GRB2: variants seen among roughly 807,000 people sequenced by gnomAD.
The protein encoded by GRB2 is growth factor receptor bound protein 2, also known as growth factor receptor-bound protein 2.
A neutral mutation model predicts 27.4 loss-of-function variants in GRB2; 2 were observed. That is an observed-to-expected ratio of 0.07 (90% CI 0.03 to 0.23). The LOEUF is 0.23. Ranked by LOEUF, GRB2 falls within the 10% of genes least tolerant of loss-of-function variation. The pLI is 1.00. For synonymous variants in GRB2, 94 were observed against 99.6 expected (o/e 0.94, Z 0.33); for missense variants, 102 against 282.4 (o/e 0.36, Z 4.58).
chr17:75,321,773 G>A lies in GRB2; in HGVS notation c.354C>T (p.Tyr118=). 1 of 1,614,154 alleles carries A rather than the reference G, an allele frequency of 6.2e-7. No individual in the cohort carries two copies. The highest frequency in any genetic ancestry group is 1.1e-5 in the South Asian group (1 of 91,088). ...AATTGAACTTCACCACCCAGAGGAA[G>A]TACTTCCCGGCTCCATCTCGGAGCA... ...FKVLRDGAGK[Y]FLWVVKFNSL... The change falls in exon 5 of 6, where the codon TAC becomes TAT. Residue 118 remains tyrosine (Y), a synonymous_variant. Coordinates refer to ENST00000316804, the MANE Select transcript of GRB2 (RefSeq NM_002086.5).
At position 75,339,026 on chromosome 17, in the gene GRB2, T is replaced by C. The variant is rs141228592; in HGVS notation, c.79-6229A>G. On this transcript the variant is annotated intron_variant, in intron 2 of 5. Transcript: ENST00000316804. ...AAGGCTGAAACCACAAAGAAGACTG[T>C]GCTAAGGCTTGAGTGCGTTGAGCCC... 55 of 1,259,556 alleles carry C rather than the reference T, an allele frequency of 4.4e-5. No homozygotes were observed. The Middle Eastern group carries it at 8.0e-4, about 18-fold the overall frequency. The allele number at this position is 1,259,556 out of a possible 1,614,324, so 78.0% of individuals were successfully genotyped here. A position where few individuals can be genotyped will look rare whatever the true frequency, so the allele number is the denominator to read the frequency against.
chr17:75,374,605 T>TCACA (rs112792873), intron 2 of GRB2, among the ~76,000 whole-genome samples: 199 of 147,056 alleles, frequency 1.4e-3, no homozygotes, highest in African/African-American at 4.6e-3. Flanking sequence ...ATGCCTGTAG[T>TCACA]CACACACACA....
chr17:75,366,816 A>G (rs982439161), intron 2 of GRB2, among the ~76,000 whole-genome samples: 3 of 152,118 alleles, frequency 2.0e-5, no homozygotes, highest in Admixed American at 2.0e-4. Flanking sequence ...TGGCTCAAAA[A>G]ACAAGAAAGT....
At chr17:75,377,766 G>A (rs1442045842) in intron 2 of GRB2, among the ~76,000 whole-genome samples, 2 of 151,980 alleles carry the variant, frequency 1.3e-5, no homozygotes, top group African/African-American at 2.4e-5. Context: ...AATTAGCCGG[G>A]TATGGTGGCA....
chr17:75,365,321 C>T (rs774600803), intron 2 of GRB2, among the ~76,000 whole-genome samples: 1 of 152,076 alleles, frequency 6.6e-6, no homozygotes, highest in African/African-American at 2.4e-5. Context: ...AACAAAACCC[C>T]GAAACCTCTA....
chr17:75,347,860 T>G (rs2078665080), intron 2 of GRB2, among the ~76,000 whole-genome samples: 1 of 152,158 alleles, frequency 6.6e-6, no homozygotes, highest in Admixed American at 6.5e-5. Context: ...GTGTCAGGTG[T>G]TCTCTACCAG....
chr17:75,383,969 A>G (rs971073516), intron 2 of GRB2, among the ~76,000 whole-genome samples: 2 of 152,194 alleles, frequency 1.3e-5, no homozygotes, highest in African/African-American at 4.8e-5. Flanking sequence ...ACCAAAACAC[A>G]AAGCCATCCC....
intron 2 of GRB2, among the ~76,000 whole-genome samples, chr17:75,346,634 G>A (rs1264937728): frequency 1.5e-5 from 2 of 133,770 alleles, no homozygotes; most frequent in African/African-American, 5.5e-5. Context: ...ACAGGCAGGA[G>A]TGCAGTGGTG....
At chr17:75,377,521 G>A (rs1273279876) in intron 2 of GRB2, among the ~76,000 whole-genome samples, 1 of 148,762 alleles carries the variant, frequency 6.7e-6, no homozygotes, top group African/African-American at 2.5e-5. Context: ...TCGGGAGGCT[G>A]AAGTGGATGA....
At chr17:75,385,842 T>G (rs2078960371) in intron 2 of GRB2, among the ~76,000 whole-genome samples, 1 of 152,280 alleles carries the variant, frequency 6.6e-6, no homozygotes, top group Admixed American at 6.5e-5. Context: ...CATTATTCTG[T>G]GTTGATACAG....
At chr17:75,357,254 C>G (rs572688856) in intron 2 of GRB2, among the ~76,000 whole-genome samples, 139 of 152,216 alleles carry the variant, frequency 9.1e-4, no homozygotes, top group African/African-American at 3.2e-3. Context: ...ATGTCACAGC[C>G]AAGAGGAGTC....
At chr17:75,348,502 T>C (rs563109966) in intron 2 of GRB2, among the ~76,000 whole-genome samples, 10 of 152,140 alleles carry the variant, frequency 6.6e-5, no homozygotes, top group Non-Finnish European at 1.0e-4. Context: ...ACTGAAAGCA[T>C]TGTGTTAGGA....
chr17:75,401,301 C>T (rs559217825), intron 1 of GRB2, among the ~76,000 whole-genome samples: 144 of 151,354 alleles, frequency 9.5e-4, no homozygotes, highest in Admixed American at 2.8e-3. Flanking sequence ...AAAAATTAGC[C>T]GGGCGCGGTG....
At chr17:75,326,083 T>G in intron 3 of GRB2, 63 bp from the exon 4 acceptor site, 2 of 1,596,756 alleles carry the variant, frequency 1.3e-6, no homozygotes, top group African/African-American at 1.3e-5. Context: ...ATATCCAGCC[T>G]TCAAAATGTG....
intron 2 of GRB2, among the ~76,000 whole-genome samples, chr17:75,346,564 C>G (rs1462058646): frequency 1.4e-5 from 2 of 140,132 alleles, no homozygotes; most frequent in Admixed American, 1.5e-4. Flanking sequence ...CCAGTTACAC[C>G]TTGCTTTTCT....
intron 2 of GRB2, chr17:75,387,706 G>A (rs2078973548): frequency 1.3e-5 from 2 of 152,022 alleles, no homozygotes; most frequent in African/African-American, 4.8e-5. Context: ...GCTGAGACAG[G>A]ACGATCACTT....
chr17:75,336,236 A>T (rs2078576007), intron 2 of GRB2, among the ~76,000 whole-genome samples: 1 of 152,182 alleles, frequency 6.6e-6, no homozygotes, highest in Non-Finnish European at 1.5e-5. Context: ...TCAGAGACAG[A>T]GTCTACGTTG....
chr17:75,320,646 C>G lies in GRB2; in HGVS notation c.469-93G>C, dbSNP rs766292649. ...GATGGGTTCCAGGGGGAAACGAATG[C>G]GTGCCAAATTCTCCATGTTTCTTAA... On this transcript the variant is annotated intron_variant, in intron 5 of 5. Coordinates refer to ENST00000316804, the MANE Select transcript of GRB2 (RefSeq NM_002086.5). This position sits in a 1 kb window ranked among gnomAD's most constrained non-coding sequence, Gnocchi z 4.3. 3.5e-6 allele frequency: 3 copies of G among 858,298 alleles called. No homozygotes were observed. Among genetic ancestry groups the G allele is most frequent in the Admixed American group, 2.3e-5 (1 of 43,054 alleles). 53.2% of individuals were successfully genotyped at this position (858,298 alleles called of 1,614,324 possible). A position where few individuals can be genotyped will look rare whatever the true frequency, so the allele number is the denominator to read the frequency against.
chr17:75,376,026 G>GAAA (rs58559493), intron 2 of GRB2, among the ~76,000 whole-genome samples: 11 of 65,320 alleles, frequency 1.7e-4, no homozygotes, highest in South Asian at 6.4e-4. Flanking sequence ...CTCCGTCTCA[G>GAAA]AAAAAAAAAA....
Sources: gnomAD v4.1 joint callset for allele counts (sites outside exome capture counted in the v4.1 genomes callset) on GRCh38, gnomAD v4.1.1 for gene constraint, Gnocchi (gnomAD v3.1) non-coding constraint, MANE v1.5 for transcripts, NCBI Gene and HGNC (gene_info 2026-07-23, HGNC 2026-07-21) for gene names.